Variants in GOLM2 observed in about 807,000 individuals in gnomAD.
GOLM2 encodes the protein protein GOLM2.
GOLM2 carries 26 observed loss-of-function variants against 55.9 expected under a neutral mutation model. The ratio of observed to expected loss-of-function variants is 0.47; its 90% CI spans 0.34 to 0.65. The LOEUF is 0.65. Among genes scored for constraint, GOLM2 ranks in the 30% least tolerant of loss-of-function variants. The probability of loss-of-function intolerance (pLI) is 0.01; values close to 1 mark genes in which losing one functional copy is unlikely to be tolerated. For synonymous variants in GOLM2, 165 were observed against 194.6 expected (o/e 0.85, Z 1.27); for missense variants, 486 against 531.8 (o/e 0.91, Z 0.85).
chr15:44,342,342 G>A (rs141173177), intron 6 of GOLM2, among the ~76,000 whole-genome samples: 2,056 of 151,960 alleles, frequency 0.014, 46 homozygotes, highest in East Asian at 0.087. Context: ...ATGGCTCACT[G>A]CAGCCTTGAC....
rs2078698397 is a variant in GOLM2 at position 44,288,856 on chromosome 15, G to A, written c.-174G>A. On this transcript the variant is annotated 5_prime_UTR_variant, in exon 1 of 10. Coordinates refer to ENST00000299957, the MANE Select transcript of GOLM2 (RefSeq NM_138423.4). ...CTGATTTGAGGAGGGGGGCGGGGAG[G>A]GACCTGCGGCTTGCGGCCCCGCCCC... 1.7e-6 allele frequency: 1 copy of A among 605,932 alleles called. No homozygotes were observed. Among genetic ancestry groups the A allele is most frequent in the Non-Finnish European group, 2.9e-6 (1 of 349,132 alleles). The allele number at this position is 605,932 out of a possible 1,614,324, so 37.5% of individuals were successfully genotyped here. A position where few individuals can be genotyped will look rare whatever the true frequency, so the allele number is the denominator to read the frequency against.
chr15:44,363,599 C>A (rs2079259397), intron 6 of GOLM2, among the ~76,000 whole-genome samples: 1 of 152,162 alleles, frequency 6.6e-6, no homozygotes, highest in African/African-American at 2.4e-5. Context: ...GTTGGTGGGA[C>A]TGTAAACTAG....
chr15:44,375,636 C>T (rs2079359693), intron 6 of GOLM2, among the ~76,000 whole-genome samples: 1 of 151,978 alleles, frequency 6.6e-6, no homozygotes, highest in African/African-American at 2.4e-5. Context: ...TTTTAATTAG[C>T]CAGGTGTAGT....
intron 2 of GOLM2, among the ~76,000 whole-genome samples, chr15:44,326,170 G>A (rs2141134096): frequency 6.6e-6 from 1 of 151,454 alleles, no homozygotes; most frequent in South Asian, 2.1e-4. Flanking sequence ...GCTGAGGCAG[G>A]AGAATCGCTT....
At chr15:44,319,014 GTCA>G (rs1357601170) in intron 1 of GOLM2, among the ~76,000 whole-genome samples, 1 of 152,050 alleles carries the variant, frequency 6.6e-6, no homozygotes, top group Non-Finnish European at 1.5e-5. Flanking sequence ...ACTCATATCA[GTCA>G]TCATCATCAT....
intron 8 of GOLM2, among the ~76,000 whole-genome samples, chr15:44,396,479 T>C (rs553663262): frequency 5.9e-5 from 9 of 152,324 alleles, no homozygotes; most frequent in South Asian, 4.1e-4. Flanking sequence ...TTTAAAAGGA[T>C]AGTTGTATTC....
intron 6 of GOLM2, among the ~76,000 whole-genome samples, chr15:44,357,798 T>G (rs1017768281): frequency 6.6e-6 from 1 of 152,186 alleles, no homozygotes; most frequent in Non-Finnish European, 1.5e-5. Context: ...ATACCATTTA[T>G]AGTAGTACTC....
chr15:44,337,989 A>AT, intron 5 of GOLM2, 82 bp downstream of exon 5: 1 of 1,321,420 alleles, frequency 7.6e-7, no homozygotes, highest in Non-Finnish European at 1.0e-6. Context: ...ATTTTCAATC[A>AT]TAAAGAAAAT....
chr15:44,408,958 G>A (rs2079616188), intron 9 of GOLM2, among the ~76,000 whole-genome samples: 1 of 151,546 alleles, frequency 6.6e-6, no homozygotes, highest in Non-Finnish European at 1.5e-5. Context: ...GCGAGACTAC[G>A]TCTCAAAACA....
At chr15:44,333,772 A>G (rs2079038743) in intron 4 of GOLM2, among the ~76,000 whole-genome samples, 1 of 151,718 alleles carries the variant, frequency 6.6e-6, no homozygotes, top group African/African-American at 2.4e-5. Flanking sequence ...GCTGGAGTGC[A>G]GTGGCGTGAT....
In GOLM2 at chr15:44,288,744, G is replaced by A. The variant is rs958107034; in HGVS notation, c.-286G>A. 6.4e-6 allele frequency: 3 copies of A among 465,890 alleles called. No homozygotes were observed. Among genetic ancestry groups the A allele is most frequent in the Admixed American group, 4.0e-5 (1 of 25,020 alleles). 28.9% of individuals were successfully genotyped at this position (465,890 alleles called of 1,614,324 possible). ...CCCGCCTCCCAACCGTGAGGTGTTG[G>A]GTTTGGGGGACGCTGGCAGCTGGGT... is the stretch of plus-strand genomic sequence containing the variant. On this transcript the variant is annotated 5_prime_UTR_variant, in exon 1 of 10. Transcript: ENST00000299957.
intron 6 of GOLM2, among the ~76,000 whole-genome samples, chr15:44,362,707 G>A (rs2141173504): frequency 6.6e-6 from 1 of 152,148 alleles, no homozygotes; most frequent in Non-Finnish European, 1.5e-5. Flanking sequence ...AAGTTCATAT[G>A]GAACCAAAAA....
At chr15:44,361,689 C>A (rs1390946128) in intron 6 of GOLM2, among the ~76,000 whole-genome samples, 2 of 152,072 alleles carry the variant, frequency 1.3e-5, no homozygotes, top group African/African-American at 2.4e-5. Flanking sequence ...CTCCCTAACT[C>A]ATTTTATGAG....
intron 9 of GOLM2, among the ~76,000 whole-genome samples, chr15:44,411,852 A>G (rs1034956214): frequency 6.6e-6 from 1 of 150,468 alleles, no homozygotes; most frequent in African/African-American, 2.5e-5. Flanking sequence ...AAAAAAATCC[A>G]TGTACTCCAA....
chr15:44,358,844 A>C (rs1208882817), intron 6 of GOLM2, among the ~76,000 whole-genome samples: 5 of 152,172 alleles, frequency 3.3e-5, no homozygotes, highest in Non-Finnish European at 7.3e-5. Flanking sequence ...ATAATTGATG[A>C]GCTGGACTTC....
intron 8 of GOLM2, among the ~76,000 whole-genome samples, chr15:44,393,892 T>C (rs772741262): frequency 6.6e-6 from 1 of 152,132 alleles, no homozygotes; most frequent in Non-Finnish European, 1.5e-5. Context: ...GAGGTTTCAC[T>C]ATGTTGGCCA....
In GOLM2 at chr15:44,312,611, T is replaced by C. The variant is rs144893266; in HGVS notation, c.328-10354T>C. Reference sequence around the variant, plus strand: ...AATTAGTAATCCAGTCCTCCTCTTATATTCACCCTCTCAGTCTATGCTTGC... The same window carrying C: ...AATTAGTAATCCAGTCCTCCTCTTACATTCACCCTCTCAGTCTATGCTTGC... On this transcript the variant is annotated intron_variant, in intron 1 of 9. Transcript: ENST00000299957. 3.6e-3 allele frequency among the ~76,000 whole-genome samples: 547 copies of C among 152,288 alleles called. 2 individuals carry two copies. Among genetic ancestry groups the C allele is most frequent in the Middle Eastern group, 0.034 (10 of 294 alleles).
chr15:44,395,193 T>TC (rs1169370778), intron 8 of GOLM2, among the ~76,000 whole-genome samples: 1 of 150,608 alleles, frequency 6.6e-6, no homozygotes, highest in African/African-American at 2.4e-5. Context: ...TTTTTTTTTT[T>TC]CTGTTTTTAG....
intron 6 of GOLM2, among the ~76,000 whole-genome samples, chr15:44,354,213 C>G (rs1364787886): frequency 1.3e-5 from 2 of 148,850 alleles, no homozygotes; most frequent in Non-Finnish European, 3.0e-5. Context: ...TCACAGAACA[C>G]TCACCAAGAT....
Sources: gnomAD v4.1 joint callset for allele counts (sites outside exome capture counted in the v4.1 genomes callset) on GRCh38, gnomAD v4.1.1 for gene constraint, MANE v1.5 for transcripts, NCBI Gene and HGNC (gene_info 2026-07-23, HGNC 2026-07-21) for gene names.